The following NYAP2 variants were observed in gnomAD, a reference collection of about 807,000 sequenced individuals.
NYAP2 encodes the protein neuronal tyrosine-phosphorylated phosphoinositide-3-kinase adapter 2.
Under a neutral mutation model 50.4 loss-of-function variants are expected in NYAP2, and 23 were observed. The ratio of observed to expected loss-of-function variants is 0.46; its 90% CI spans 0.33 to 0.65. The LOEUF (loss-of-function observed/expected upper bound fraction) is 0.65. Ranked by LOEUF, NYAP2 falls within the 30% of genes least tolerant of loss-of-function variation. The pLI is 0.02. For synonymous variants in NYAP2, 394 were observed against 365.2 expected, an observed-to-expected ratio of 1.08 and a Z score of -0.90; for missense variants, 885 against 861.0, an observed-to-expected ratio of 1.03 and a Z score of -0.35.
chr2:225,543,277 T>A (rs559081781), intron 4 of NYAP2, among the ~76,000 whole-genome samples: 23 of 151,794 alleles, frequency 1.5e-4, no homozygotes, highest in African/African-American at 4.6e-4. Flanking sequence ...ATCTTTATTA[T>A]TTTTTTTCTG....
intron 4 of NYAP2, among the ~76,000 whole-genome samples, chr2:225,549,418 GC>G (rs367871975): frequency 9.1e-4 from 138 of 152,268 alleles, no homozygotes; most frequent in African/African-American, 3.2e-3. Context: ...CTTTTTGAAA[GC>G]CTGAGTGTGT....
intron 3 of NYAP2, among the ~76,000 whole-genome samples, chr2:225,500,549 C>T (rs901367979): frequency 3.9e-5 from 6 of 152,118 alleles, no homozygotes; most frequent in Admixed American, 1.3e-4. Flanking sequence ...CAAATATTTT[C>T]AATTTTCAGG....
chr2:225,584,251 C>T (rs1321740324), intron 5 of NYAP2, among the ~76,000 whole-genome samples: 2 of 152,162 alleles, frequency 1.3e-5, no homozygotes, highest in Non-Finnish European at 1.5e-5. Flanking sequence ...GGTGATTTTA[C>T]ATCTTATTTC....
At chr2:225,568,970 T>C (rs116143882) in intron 4 of NYAP2, among the ~76,000 whole-genome samples, 5,648 of 152,250 alleles carry the variant, frequency 0.037, 329 homozygotes, top group African/African-American at 0.13. Flanking sequence ...TTAATGTGCA[T>C]AGCACAGGGG....
intron 2 of NYAP2, among the ~76,000 whole-genome samples, chr2:225,408,222 T>C (rs1215251389): frequency 1.3e-5 from 2 of 152,002 alleles, no homozygotes; most frequent in African/African-American, 4.8e-5. Context: ...ACTAATGTGG[T>C]CCTAGTGACC....
downstream of NYAP2, among the ~76,000 whole-genome samples, chr2:225,657,134 G>A (rs973679188): frequency 2.5e-5 from 3 of 118,658 alleles, 1 homozygote; most frequent in South Asian, 2.6e-4. Flanking sequence ...TTTTGAGACA[G>A]AGCTTCACTC....
At chr2:225,534,600 C>G (rs1691314760) in intron 4 of NYAP2, among the ~76,000 whole-genome samples, 1 of 152,034 alleles carries the variant, frequency 6.6e-6, no homozygotes, top group Admixed American at 6.5e-5. Flanking sequence ...TAAAGAGATG[C>G]AGAAGGAAAT....
chr2:225,453,515 G>A (rs1190443107), intron 3 of NYAP2, among the ~76,000 whole-genome samples: 1 of 152,094 alleles, frequency 6.6e-6, no homozygotes, highest in Non-Finnish European at 1.5e-5. Flanking sequence ...ATGAGATATT[G>A]TAGTTCTAAG....
intron 4 of NYAP2, among the ~76,000 whole-genome samples, chr2:225,560,245 T>C (rs142586450): frequency 6.6e-6 from 1 of 152,256 alleles, no homozygotes; most frequent in Admixed American, 6.5e-5. Flanking sequence ...AGGCATATTA[T>C]CACAACATTA....
intron 3 of NYAP2, among the ~76,000 whole-genome samples, chr2:225,476,713 C>T (rs1244216251): frequency 6.6e-6 from 1 of 152,192 alleles, no homozygotes; most frequent in East Asian, 1.9e-4. Context: ...CAAGCACACA[C>T]CAGTGGTCCC....
At chr2:225,577,782 C>T (rs758336315) in intron 4 of NYAP2, among the ~76,000 whole-genome samples, 10 of 149,450 alleles carry the variant, frequency 6.7e-5, no homozygotes, top group Admixed American at 2.0e-4. Context: ...ATTACAAGGA[C>T]GGATGTCAGG....
intron 5 of NYAP2, among the ~76,000 whole-genome samples, chr2:225,606,092 TAGA>T (rs1692781079): frequency 6.6e-6 from 1 of 152,136 alleles, no homozygotes; most frequent in Admixed American, 6.6e-5. Context: ...AGAATCCTAG[TAGA>T]AGATCATTGA....
At chr2:225,648,348 A>G (rs1349033773) in intron 6 of NYAP2, among the ~76,000 whole-genome samples, 1 of 152,054 alleles carries the variant, frequency 6.6e-6, no homozygotes, top group Non-Finnish European at 1.5e-5. Flanking sequence ...AATAGAGTGG[A>G]TCCGATCAGA....
chr2:225,594,772 G>T lies in NYAP2; in HGVS notation c.1618+11737G>T, dbSNP rs78026499. On this transcript the variant is annotated intron_variant, in intron 5 of 6. Coordinates refer to ENST00000636099, the Ensembl canonical transcript of NYAP2. ...CAAATTTAATTAAATGTCTGTAGTGGTGCATGGTATTTCTTGGTAGAAGCA... is the reference window on the plus strand; with the variant it reads ...CAAATTTAATTAAATGTCTGTAGTGTTGCATGGTATTTCTTGGTAGAAGCA... 4.7e-3 allele frequency among the ~76,000 whole-genome samples: 721 copies of T among 152,260 alleles called. 11 individuals are homozygous for T. The highest frequency in any genetic ancestry group is 0.017 in the African/African-American group (700 of 41,554).
intron 3 of NYAP2, among the ~76,000 whole-genome samples, chr2:225,436,844 C>G (rs904687614): frequency 2.6e-5 from 4 of 151,764 alleles, no homozygotes; most frequent in Non-Finnish European, 4.4e-5. Context: ...CTCCCACTGT[C>G]TCTGGCTTTG....
At chr2:225,439,574 G>A (rs1251451812) in intron 3 of NYAP2, among the ~76,000 whole-genome samples, 1 of 152,156 alleles carries the variant, frequency 6.6e-6, no homozygotes, top group East Asian at 1.9e-4. Context: ...TGAGAGACAA[G>A]AATGTTTCAT....
intron 3 of NYAP2, among the ~76,000 whole-genome samples, chr2:225,435,623 T>G (rs888247872): frequency 6.6e-6 from 1 of 152,354 alleles, no homozygotes; most frequent in East Asian, 1.9e-4. Context: ...CTTATGAATT[T>G]TCTACATATT....
rs371472726 is a variant in NYAP2 at position 225,407,024 on chromosome 2, G to A, written c.-17-1840G>A. On this transcript the variant is annotated intron_variant, in intron 2 of 6. Coordinates refer to ENST00000636099, the Ensembl canonical transcript of NYAP2. ...AGAAGGAGTGATCATCTTCCAGCCGGAGGCATTATCTCTAGAATTCTTGTA... is the reference window on the plus strand; with the variant it reads ...AGAAGGAGTGATCATCTTCCAGCCGAAGGCATTATCTCTAGAATTCTTGTA... Among the ~76,000 whole-genome samples, 7 of 152,092 alleles carry A rather than the reference G, an allele frequency of 4.6e-5. No individual in the cohort carries two copies. The East Asian group carries it at 7.7e-4, about 17-fold the overall frequency.
At chr2:225,638,877 GGAGGCCAAGACA>G (rs1693475653) in intron 6 of NYAP2, among the ~76,000 whole-genome samples, 1 of 152,256 alleles carries the variant, frequency 6.6e-6, no homozygotes, top group Non-Finnish European at 1.5e-5. Flanking sequence ...AACAGGGAGA[GGAGGCCAAGACA>G]GAGGCCATCT....
Sources: gnomAD v4.1 joint callset for allele counts (sites outside exome capture counted in the v4.1 genomes callset) on GRCh38, gnomAD v4.1.1 for gene constraint, MANE v1.5 for transcripts, NCBI Gene and HGNC (gene_info 2026-07-23, HGNC 2026-07-21) for gene names.